KLHL7: variants seen among roughly 807,000 people sequenced by gnomAD.
KLHL7 encodes the protein kelch-like protein 7.
Under a neutral mutation model 67.4 loss-of-function variants are expected in KLHL7, and 44 were observed. The ratio of observed to expected loss-of-function variants is 0.65; its 90% CI spans 0.51 to 0.84. The LOEUF is 0.84. Among genes scored for constraint, KLHL7 ranks in the 40% least tolerant of loss-of-function variants. The pLI, the probability that KLHL7 is intolerant of heterozygous loss-of-function variation, is 0.00. For missense variants in KLHL7, 362 were observed against 718.1 expected (o/e 0.50, Z 5.67); for synonymous variants, 252 against 243.3 (o/e 1.04, Z -0.33).
intron 4 of KLHL7, among the ~76,000 whole-genome samples, chr7:23,128,451 A>AT (rs70964001): frequency 7.4e-6 from 1 of 135,200 alleles, no homozygotes; most frequent in South Asian, 2.3e-4. Context: ...AAAAAAAAAA[A>AT]GAACTTTAAC....
At chr7:23,122,914 T>C (rs1783410038) in intron 1 of KLHL7, among the ~76,000 whole-genome samples, 1 of 152,332 alleles carries the variant, frequency 6.6e-6, no homozygotes, top group East Asian at 1.9e-4. Context: ...TTTAATACAT[T>C]GTATACACCA....
chr7:23,142,105 T>C (rs542221726), intron 5 of KLHL7, among the ~76,000 whole-genome samples: 1 of 151,938 alleles, frequency 6.6e-6, no homozygotes, highest in Non-Finnish European at 1.5e-5. Flanking sequence ...GGTTTCACCA[T>C]GTTGGCCAGG....
At chr7:23,164,900 A>G (rs1192264630) in intron 7 of KLHL7, among the ~76,000 whole-genome samples, 1 of 152,258 alleles carries the variant, frequency 6.6e-6, no homozygotes, top group Non-Finnish European at 1.5e-5. Flanking sequence ...AGAAAATAGC[A>G]GGAACGCTGT....
Position 23,152,056 on chromosome 7 carries a change from T to C in KLHL7, c.794-11T>C. 1 of 1,613,680 alleles carries C rather than the reference T, an allele frequency of 6.2e-7. No homozygotes were observed. Among genetic ancestry groups the C allele is most frequent in the Non-Finnish European group, 8.5e-7 (1 of 1,179,654 alleles). On this transcript the variant is annotated splice_polypyrimidine_tract_variant and intron_variant, in intron 6 of 10. Transcript: ENST00000339077. ...GAAGTTCTTGAAGCGTTGCCATGTATTTTACTACAGGTGGAATGAGGTACC... is the reference window on the plus strand; with the variant it reads ...GAAGTTCTTGAAGCGTTGCCATGTACTTTACTACAGGTGGAATGAGGTACC...
chr7:23,129,347 CA>C (rs1783707611), intron 4 of KLHL7: 2 of 357,868 alleles, frequency 5.6e-6, no homozygotes, highest in Admixed American at 3.7e-5. Context: ...GTATGTTAGC[CA>C]AGGCTTTTCT....
intron 5 of KLHL7, among the ~76,000 whole-genome samples, chr7:23,142,622 T>C (rs914322750): frequency 3.2e-4 from 48 of 152,176 alleles, no homozygotes; most frequent in African/African-American, 1.1e-3. Flanking sequence ...GCACACTTGA[T>C]GTAATGAAAA....
At chr7:23,135,516 A>C (rs1003898687) in intron 4 of KLHL7, among the ~76,000 whole-genome samples, 1 of 152,178 alleles carries the variant, frequency 6.6e-6, no homozygotes, top group Non-Finnish European at 1.5e-5. Flanking sequence ...TCCAGTGCTG[A>C]AAGTGGGGTG....
At chr7:23,146,350 C>T (rs4377861) in intron 6 of KLHL7, among the ~76,000 whole-genome samples, 54,558 of 151,872 alleles carry the variant, frequency 0.36, 10,104 homozygotes, top group African/African-American at 0.44. Context: ...GTTTAACAGA[C>T]ACTCCATCTG....
At chr7:23,120,812 C>G (rs967887081) in intron 1 of KLHL7, among the ~76,000 whole-genome samples, 5 of 152,190 alleles carry the variant, frequency 3.3e-5, no homozygotes, top group African/African-American at 1.2e-4. Flanking sequence ...GCAATTCTGC[C>G]TTAGCCTACC....
chr7:23,120,844 T>G (rs1285889473), intron 1 of KLHL7, among the ~76,000 whole-genome samples: 1 of 152,202 alleles, frequency 6.6e-6, no homozygotes, highest in Non-Finnish European at 1.5e-5. Context: ...ATTACAGATG[T>G]AACCCACTGC....
intron 1 of KLHL7, among the ~76,000 whole-genome samples, chr7:23,115,788 C>T (rs928264743): frequency 3.9e-5 from 6 of 152,110 alleles, no homozygotes; most frequent in South Asian, 2.1e-4. Flanking sequence ...CGTGATCTGC[C>T]GGCCTCAGCC....
chr7:23,110,345 A>G (rs554385072), intron 1 of KLHL7, among the ~76,000 whole-genome samples: 3 of 152,296 alleles, frequency 2.0e-5, no homozygotes, highest in African/African-American at 7.2e-5. Flanking sequence ...TTCTAAGGCC[A>G]GTACTTCTAC....
At chr7:23,110,284 C>T (rs745915415) in intron 1 of KLHL7, among the ~76,000 whole-genome samples, 5 of 152,212 alleles carry the variant, frequency 3.3e-5, no homozygotes, top group Non-Finnish European at 7.3e-5. Context: ...CCTATTTTGA[C>T]ACTTTCCCTT....
chr7:23,137,999 A>T (rs1268643778), intron 4 of KLHL7, among the ~76,000 whole-genome samples: 1 of 151,000 alleles, frequency 6.6e-6, no homozygotes, highest in African/African-American at 2.4e-5. Context: ...AACATGGTAA[A>T]ACCCCACCTC....
Position 23,172,989 on chromosome 7 carries a change from A to C in KLHL7, c.1421A>C (p.His474Pro). Residue 474 changes from histidine (H) to proline (P), a missense_variant, in exon 10 of 11, where the codon CAT (histidine) becomes CCT (proline). His to Pro is a moderately conservative substitution (Grantham distance 77, BLOSUM62 -2). Coordinates refer to ENST00000339077, the MANE Select transcript of KLHL7 (RefSeq NM_001031710.3). ...LCPMIEARKN[H>P]GLVFVKDKIF... ...CCAATGATTGAAGCCAGGAAGAATC[A>C]TGGGCTGGTATTTGTAAAAGACAAG... The C allele has an allele frequency of 6.2e-7, 1 of 1,613,900 alleles. No homozygotes were observed. Among genetic ancestry groups the C allele is most frequent in the Non-Finnish European group, 8.5e-7 (1 of 1,179,856 alleles).
chr7:23,121,646 C>T (rs1264697786), intron 1 of KLHL7, among the ~76,000 whole-genome samples: 1 of 150,778 alleles, frequency 6.6e-6, no homozygotes, highest in East Asian at 1.9e-4. Flanking sequence ...TTATTAATAA[C>T]AGGAGGGGCC....
At chr7:23,165,361 TAAAAC>T (rs995896873) in intron 7 of KLHL7, among the ~76,000 whole-genome samples, 3 of 152,272 alleles carry the variant, frequency 2.0e-5, no homozygotes, top group Non-Finnish European at 4.4e-5. Flanking sequence ...TTTTAAAAAA[TAAAAC>T]AACTTATTTT....
At chr7:23,166,835 A>C (rs1285335217) in intron 8 of KLHL7, among the ~76,000 whole-genome samples, 2 of 152,148 alleles carry the variant, frequency 1.3e-5, no homozygotes, top group African/African-American at 4.8e-5. Flanking sequence ...AGCCTTTGCT[A>C]AGTGTGTTTT....
rs17147762 is a variant in KLHL7, at chr7:23,157,388, A to C, written c.936+5179A>C. ...TGCTGAGATGCAGGTGTGGGTCATC[A>C]TGAGTATCCCTTAAGCTTCCTTAGT... is the stretch of plus-strand genomic sequence containing the variant. On this transcript the variant is annotated intron_variant, in intron 7 of 10. Transcript: ENST00000339077. Among the ~76,000 whole-genome samples the C allele has an allele frequency of 1.4e-3, 220 of 152,340 alleles. 2 individuals carry two copies. In the East Asian group the frequency reaches 0.031, roughly 21 times the overall value.
Sources: gnomAD v4.1 joint callset for allele counts (sites outside exome capture counted in the v4.1 genomes callset) on GRCh38, gnomAD v4.1.1 for gene constraint, MANE v1.5 for transcripts, NCBI Gene and HGNC (gene_info 2026-07-23, HGNC 2026-07-21) for gene names.